The following ALDH1L2 variants were observed in gnomAD, a reference collection of about 807,000 sequenced individuals.
ALDH1L2 encodes aldehyde dehydrogenase 1 family member L2.
A neutral mutation model predicts 111.0 loss-of-function variants in ALDH1L2; 91 were observed. The observed-to-expected ratio is 0.82, with a 90% CI of 0.69 to 0.98. ALDH1L2 has a LOEUF of 0.98. ALDH1L2 is among the 50% of genes least tolerant of loss of function. The pLI, the probability that ALDH1L2 is intolerant of heterozygous loss-of-function variation, is 0.00. For synonymous variants in ALDH1L2, 374 were observed against 392.6 expected (o/e 0.95, Z 0.56); for missense variants, 995 against 1,126.8 (o/e 0.88, Z 1.67).
intron 18 of ALDH1L2, among the ~76,000 whole-genome samples, chr12:105,035,915 T>C (rs1328627833): frequency 9.1e-6 from 1 of 110,066 alleles, no homozygotes; most frequent in Non-Finnish European, 1.7e-5. Context: ...ATATATATTA[T>C]ATATATACAT....
chr12:105,056,740 C>G (rs1438458175), intron 10 of ALDH1L2, among the ~76,000 whole-genome samples: 1 of 149,958 alleles, frequency 6.7e-6, no homozygotes, highest in African/African-American at 2.4e-5. Flanking sequence ...AATTATAATC[C>G]TCAAGGCAAC....
Position 105,065,335 on chromosome 12 carries a change from C to A in ALDH1L2, c.718G>T (p.Glu240Ter), listed in dbSNP as rs776063077. The change falls in exon 6 of 23, where the codon GAA (glutamate) becomes TAA (stop). Residue 240 changes from glutamate (E) to a stop codon, truncating the protein, a stop_gained. Transcript: ENST00000258494. LOFTEE classifies it high-confidence loss of function. ...CCTCGAATCCAGTTATGTAAAACTTCGGCAGACTGGTCCCAAGAAATCTAG... is the reference window on the plus strand; with the variant it reads ...CCTCGAATCCAGTTATGTAAAACTTAGGCAGACTGGTCCCAAGAAATCTAG... Reference protein sequence around the residue: ...NAEISWDQSAEVLHNWIRGHD... With the variant: ...NAEISWDQSA 2 of 1,611,792 alleles carry A rather than the reference C, an allele frequency of 1.2e-6. No individual in the cohort carries two copies. Among genetic ancestry groups the A allele is most frequent in the African/African-American group, 2.7e-5 (2 of 74,970 alleles).
chr12:105,038,101 A>G lies in ALDH1L2; in HGVS notation c.2145+2T>C. ...ATTTACTTAAATTTGACCCTCTCTT[A>G]CCATTCGCACAGCCTTGTCAAGTTC... On this transcript the variant is annotated splice_donor_variant, in intron 18 of 22. Coordinates refer to ENST00000258494, the MANE Select transcript of ALDH1L2 (RefSeq NM_001034173.4). LOFTEE classifies it high-confidence loss of function. 1 of 1,612,530 alleles carries G rather than the reference A, an allele frequency of 6.2e-7. No homozygotes were observed. Among genetic ancestry groups the G allele is most frequent in the Admixed American group, 1.7e-5 (1 of 59,970 alleles).
intron 13 of ALDH1L2, among the ~76,000 whole-genome samples, chr12:105,049,047 A>ATTT (rs34116328): frequency 1.3e-4 from 20 of 151,256 alleles, no homozygotes; most frequent in East Asian, 1.2e-3. Context: ...AGAAAAAAAA[A>ATTT]TTTTTTTTTA....
At chr12:105,076,267 A>T (rs1412773081) in intron 1 of ALDH1L2, among the ~76,000 whole-genome samples, 1 of 152,224 alleles carries the variant, frequency 6.6e-6, no homozygotes, top group East Asian at 1.9e-4. Flanking sequence ...TGCTCTGTGG[A>T]GAGTGGTATG....
At position 105,070,666 on chromosome 12, in the gene ALDH1L2, A is replaced by G. The variant is rs755585859; in HGVS notation, c.332T>C (p.Phe111Ser). The G allele has an allele frequency of 5.0e-6, 8 of 1,614,234 alleles. No individual in the cohort carries two copies. The South Asian group carries it at 6.6e-5, about 13-fold the overall frequency. The change falls in exon 3 of 23, where the codon TTC becomes TCC. Residue 111 changes from phenylalanine (F) to serine (S), a missense_variant. Coordinates refer to ENST00000258494, the MANE Select transcript of ALDH1L2 (RefSeq NM_001034173.4). ...ELNVLPFCTQFIPMDIIDSPK... is the reference protein window; with the variant it reads ...ELNVLPFCTQSIPMDIIDSPK... ...ACTATCAATTATATCCATGGGAATG[A>G]ACTGAGTGCAGAAAGGGAGCACATT...
At chr12:105,060,167 G>T (rs1388612592) in intron 9 of ALDH1L2, among the ~76,000 whole-genome samples, 2 of 151,160 alleles carry the variant, frequency 1.3e-5, no homozygotes, top group Non-Finnish European at 2.9e-5. Context: ...GGTAATTTAT[G>T]GGGGGGGCGA....
intron 21 of ALDH1L2, chr12:105,030,088 A>G: frequency 3.3e-6 from 1 of 305,746 alleles, no homozygotes; most frequent in Non-Finnish European, 5.9e-6. Context: ...AGAAAAACTA[A>G]AATTTATTCA....
intron 15 of ALDH1L2, among the ~76,000 whole-genome samples, chr12:105,045,688 A>G (rs1326725908): frequency 2.0e-5 from 3 of 152,120 alleles, no homozygotes; most frequent in Non-Finnish European, 4.4e-5. Context: ...ACGTATACCT[A>G]CTTTTTCAAA....
intron 9 of ALDH1L2, 112 bp downstream of exon 9, chr12:105,060,866 TATG>T (rs1876953219): frequency 1.4e-6 from 1 of 695,546 alleles, no homozygotes; most frequent in African/African-American, 1.9e-5. Flanking sequence ...CATAGATAGG[TATG>T]ATAAGGTAAT....
intron 18 of ALDH1L2, among the ~76,000 whole-genome samples, chr12:105,036,559 T>C (rs1368124772): frequency 1.3e-4 from 6 of 46,362 alleles, no homozygotes; most frequent in African/African-American, 4.9e-4. Flanking sequence ...TATATATATA[T>C]ATATATAAAA....
intron 10 of ALDH1L2, 141 bp from the exon 11 acceptor site, chr12:105,053,072 T>C (rs1196811765): frequency 7.5e-6 from 8 of 1,060,248 alleles, no homozygotes; most frequent in Non-Finnish European, 1.1e-5. Context: ...GACATGCATA[T>C]GTGAGATTTG....
rs561409304 is a variant in ALDH1L2, at chr12:105,052,158, T to C, written c.1467A>G (p.Ala489=). 6.8e-6 allele frequency: 11 copies of C among 1,612,224 alleles called. No individual in the cohort carries two copies. In the South Asian group the frequency reaches 9.9e-5, roughly 15 times the overall value. ...LADVDKAVAA[A]KDAFENGEWG... ...ATTCACCGTTTTCAAAAGCATCTTT[T>C]GCTGCTGCTACTGCTTTATCAACAT... Residue 489 remains alanine (A), a synonymous_variant, in exon 12 of 23, where the codon GCA becomes GCG. Transcript: ENST00000258494.
chr12:105,050,902 T>C (rs1407568017), intron 12 of ALDH1L2, among the ~76,000 whole-genome samples: 2 of 152,142 alleles, frequency 1.3e-5, no homozygotes, highest in East Asian at 1.9e-4. Flanking sequence ...ATGGGAATTA[T>C]GGGAGCTACA....
intron 4 of ALDH1L2, among the ~76,000 whole-genome samples, chr12:105,067,706 C>T (rs1038357726): frequency 3.3e-5 from 5 of 152,152 alleles, no homozygotes; most frequent in Non-Finnish European, 7.4e-5. Flanking sequence ...TGCTGACCAA[C>T]CCACCCAAGA....
chr12:105,031,651 G>C, intron 20 of ALDH1L2, 118 bp downstream of exon 20: 1 of 1,422,760 alleles, frequency 7.0e-7, no homozygotes, highest in Non-Finnish European at 9.5e-7. Context: ...ACCACACTGG[G>C]CTAATTTTTG....
At chr12:105,061,599 A>G in intron 8 of ALDH1L2, 28 bp downstream of exon 8, 3 of 1,611,992 alleles carry the variant, frequency 1.9e-6, no homozygotes, top group Non-Finnish European at 2.5e-6. Flanking sequence ...CCAAGGTAAC[A>G]GTAAGATTTA....
At chr12:105,066,266 G>A (rs1877347344) in intron 5 of ALDH1L2, among the ~76,000 whole-genome samples, 1 of 152,174 alleles carries the variant, frequency 6.6e-6, no homozygotes, top group South Asian at 2.1e-4. Flanking sequence ...TTGTTTGTTT[G>A]TTTGTTTGCA....
chr12:105,035,740 T>G (rs1384659349), intron 18 of ALDH1L2, among the ~76,000 whole-genome samples: 1 of 150,858 alleles, frequency 6.6e-6, no homozygotes, highest in Non-Finnish European at 1.5e-5. Context: ...TTTGGAAGAC[T>G]GATGAATTTT....
Sources: gnomAD v4.1 joint callset for allele counts (sites outside exome capture counted in the v4.1 genomes callset) on GRCh38, gnomAD v4.1.1 for gene constraint, MANE v1.5 for transcripts, NCBI Gene and HGNC (gene_info 2026-07-23, HGNC 2026-07-21) for gene names.